The following ATG13 variants were observed in gnomAD, a reference collection of about 807,000 sequenced individuals.
ATG13 encodes autophagy-related protein 13.
A neutral mutation model predicts 65.5 loss-of-function variants in ATG13; 23 were observed. That is an observed-to-expected ratio of 0.35 (90% CI 0.25 to 0.50). ATG13 has a LOEUF of 0.50. Among genes scored for constraint, ATG13 ranks in the 20% least tolerant of loss-of-function variants. The probability of loss-of-function intolerance (pLI) is 0.98; values close to 1 mark genes in which losing one functional copy is unlikely to be tolerated. For missense variants in ATG13, 566 were observed against 677.0 expected (o/e 0.84, Z 1.82); for synonymous variants, 252 against 245.2 (o/e 1.03, Z -0.26).
chr11:46,661,552 G>C (rs1170414990), intron 11 of ATG13, among the ~76,000 whole-genome samples: 2 of 151,484 alleles, frequency 1.3e-5, no homozygotes, highest in East Asian at 3.9e-4. Context: ...GTTCTGCAAG[G>C]CTCAGTAGCT....
chr11:46,672,908 G>A lies in ATG13; in HGVS notation c.*576G>A. The A allele has an allele frequency of 1.1e-6, 1 of 923,124 alleles. No individual in the cohort carries two copies. Among genetic ancestry groups the A allele is most frequent in the Non-Finnish European group, 1.4e-6 (1 of 700,882 alleles). 57.2% of individuals were successfully genotyped at this position (923,124 alleles called of 1,614,324 possible). ...TGCCTGTATTTCTGGCAATATGACA[G>A]GCCTGCCTACCCAAGATCAGAACTC... On this transcript the variant is annotated 3_prime_UTR_variant, in exon 19 of 19. Transcript: ENST00000683050.
intron 10 of ATG13, 146 bp downstream of exon 10, chr11:46,657,768 T>C (rs1399767094): frequency 4.6e-6 from 3 of 658,952 alleles, no homozygotes; most frequent in Non-Finnish European, 7.5e-6. Context: ...AGAAATCAAA[T>C]GGGCCAGTTT....
chr11:46,640,123 G>A (rs747310159), intron 2 of ATG13, among the ~76,000 whole-genome samples: 37 of 152,140 alleles, frequency 2.4e-4, no homozygotes, highest in Non-Finnish European at 4.6e-4. Flanking sequence ...GGGATTACAG[G>A]CATGAGCCAC....
chr11:46,655,880 G>T (rs767908416), intron 7 of ATG13, among the ~76,000 whole-genome samples: 10 of 152,108 alleles, frequency 6.6e-5, no homozygotes, highest in Non-Finnish European at 1.3e-4. Context: ...TGGTACTCCA[G>T]GCATGCACCA....
intron 1 of ATG13, 43 bp downstream of exon 1, chr11:46,617,933 C>G: frequency 2.5e-6 from 1 of 399,156 alleles, no homozygotes; most frequent in Non-Finnish European, 4.4e-6. Context: ...TCTCAGCGCC[C>G]CCGGGTGGGA....
chr11:46,635,705 T>C (rs964747509), intron 2 of ATG13, among the ~76,000 whole-genome samples: 6 of 152,216 alleles, frequency 3.9e-5, no homozygotes, highest in African/African-American at 1.4e-4. Context: ...CTTGGTTAAC[T>C]GGACCTAAGG....
At chr11:46,658,699 T>A (rs1330557967) in intron 10 of ATG13, among the ~76,000 whole-genome samples, 1 of 151,762 alleles carries the variant, frequency 6.6e-6, no homozygotes, top group East Asian at 1.9e-4. Context: ...CCACGCCCGG[T>A]TAATTTTTGT....
intron 1 of ATG13, among the ~76,000 whole-genome samples, chr11:46,619,815 G>T (rs1206318919): frequency 2.6e-5 from 4 of 151,748 alleles, no homozygotes; most frequent in African/African-American, 7.3e-5. Flanking sequence ...GAATCATGAG[G>T]TCAGGAGTTC....
At chr11:46,632,623 AG>A (rs2052194062) in intron 2 of ATG13, among the ~76,000 whole-genome samples, 2 of 152,174 alleles carry the variant, frequency 1.3e-5, no homozygotes, top group African/African-American at 4.8e-5. Flanking sequence ...AGCAGTAAGT[AG>A]TCTACAAAGT....
At chr11:46,647,280 GTTTTT>G (rs60893694) in intron 5 of ATG13, among the ~76,000 whole-genome samples, 1 of 55,912 alleles carries the variant, frequency 1.8e-5, no homozygotes, top group Non-Finnish European at 4.6e-5. Flanking sequence ...TGTTTTTTTT[GTTTTT>G]TTTTTTTGTT....
intron 1 of ATG13, among the ~76,000 whole-genome samples, chr11:46,620,181 C>G (rs1167835673): frequency 2.0e-5 from 3 of 151,408 alleles, no homozygotes; most frequent in African/African-American, 4.8e-5. Flanking sequence ...ACAACCTCCC[C>G]CTCCTGAGTT....
At chr11:46,672,186 G>C in intron 18 of ATG13, 69 bp from the exon 19 acceptor site, 1 of 1,609,084 alleles carries the variant, frequency 6.2e-7, no homozygotes. Context: ...TCCCCTCTTC[G>C]GGACTGGGCT....
rs987011442 is a variant in ATG13, at chr11:46,672,507, C to T, written c.*175C>T. The T allele has an allele frequency of 2.3e-4, 333 of 1,475,736 alleles. No individual in the cohort carries two copies. Among genetic ancestry groups the T allele is most frequent in the Middle Eastern group, 9.5e-4 (4 of 4,208 alleles). 91.4% of individuals were successfully genotyped at this position (1,475,736 alleles called of 1,614,324 possible). A position where few individuals can be genotyped will look rare whatever the true frequency, so the allele number is the denominator to read the frequency against. ...CTTGGACCTCCTGGAGACTCCGTGGCGGCAGTCAAGCCCAGTGCCCAGTTG... is the reference window on the plus strand; with the variant it reads ...CTTGGACCTCCTGGAGACTCCGTGGTGGCAGTCAAGCCCAGTGCCCAGTTG... On this transcript the variant is annotated 3_prime_UTR_variant, in exon 19 of 19. Transcript: ENST00000683050.
At position 46,656,436 on chromosome 11, in the gene ATG13, A is replaced by T. The variant is rs187970248; in HGVS notation, c.499+163A>T. On this transcript the variant is annotated intron_variant, in intron 8 of 18. Coordinates refer to ENST00000683050, the MANE Select transcript of ATG13 (RefSeq NM_001346311.2). ...AGGTAGGTGGTCCAGGTTACCCCTGATCTGCCAGGGTAACCAAATAATTTT... is the reference window on the plus strand; with the variant it reads ...AGGTAGGTGGTCCAGGTTACCCCTGTTCTGCCAGGGTAACCAAATAATTTT... The T allele has an allele frequency of 1.7e-3, 1,037 of 597,170 alleles. 6 individuals are homozygous for T. Among genetic ancestry groups the T allele is most frequent in the Non-Finnish European group, 2.2e-3 (812 of 365,990 alleles). The allele number at this position is 597,170 out of a possible 1,614,324, so 37.0% of individuals were successfully genotyped here.
Position 46,626,491 on chromosome 11 carries a change from C to G in ATG13, c.-69-3554C>G, listed in dbSNP as rs2049695278. Among the ~76,000 whole-genome samples, 4 of 152,134 alleles carry G rather than the reference C, an allele frequency of 2.6e-5. 1 individual carries two copies. Among genetic ancestry groups the G allele is most frequent in the African/African-American group, 9.7e-5 (4 of 41,448 alleles). ...TCTCGAACTCCTGACCTCAGGTGAT[C>G]CGTCCGCCTCCGCCTCCCAGAGTGC... On this transcript the variant is annotated intron_variant, in intron 1 of 18. Coordinates refer to ENST00000683050, the MANE Select transcript of ATG13 (RefSeq NM_001346311.2).
At position 46,646,117 on chromosome 11, in the gene ATG13, T is replaced by C; in HGVS notation, c.270+128T>C. Reference sequence around the variant, plus strand: ...ATATTCTTATCATTCTCTGAGGGGGTCATAGTTTTTTTTGTTCTTTTTTGT... The same window carrying C: ...ATATTCTTATCATTCTCTGAGGGGGCCATAGTTTTTTTTGTTCTTTTTTGT... On this transcript the variant is annotated intron_variant, in intron 5 of 18. Coordinates refer to ENST00000683050, the MANE Select transcript of ATG13 (RefSeq NM_001346311.2). The C allele has an allele frequency of 2.3e-6, 3 of 1,279,766 alleles. No homozygotes were observed. In the Admixed American group the frequency reaches 8.7e-5, roughly 37 times the overall value. 79.3% of individuals were successfully genotyped at this position (1,279,766 alleles called of 1,614,324 possible).
Position 46,639,911 on chromosome 11 carries a change from T to G in ATG13, c.-13-4368T>G, listed in dbSNP as rs191343465. Among the ~76,000 whole-genome samples the G allele has an allele frequency of 3.3e-3, 497 of 150,470 alleles. 1 individual carries two copies. Among genetic ancestry groups the G allele is most frequent in the Non-Finnish European group, 5.0e-3 (341 of 67,716 alleles). ...CTCTGTCCCCCATGTTGGAGTGTAGTGGCACGATCTCAGCTCACTGCAGTC... is the reference window on the plus strand; with the variant it reads ...CTCTGTCCCCCATGTTGGAGTGTAGGGGCACGATCTCAGCTCACTGCAGTC... On this transcript the variant is annotated intron_variant, in intron 2 of 18. Transcript: ENST00000683050.
At position 46,644,354 on chromosome 11, in the gene ATG13, C is replaced by T; in HGVS notation, c.63C>T (p.Ala21=). Residue 21 remains alanine, a synonymous_variant, in exon 3 of 19, where the codon GCC becomes GCT. Transcript: ENST00000683050. ...TGGACAAGTTTATTAAATTTTTTGCCCTCAAGGTAATGTGTCCATTCTCTT... is the reference window on the plus strand; with the variant it reads ...TGGACAAGTTTATTAAATTTTTTGCTCTCAAGGTAATGTGTCCATTCTCTT... ...KDLDKFIKFF[A]LKTVQVIVQA... 6.2e-7 allele frequency: 1 copy of T among 1,608,264 alleles called. No individual in the cohort carries two copies. The highest frequency in any genetic ancestry group is 8.5e-7 in the Non-Finnish European group (1 of 1,177,878).
At chr11:46,670,492 A>T (rs1291403329) in intron 18 of ATG13, among the ~76,000 whole-genome samples, 6 of 148,616 alleles carry the variant, frequency 4.0e-5, no homozygotes, top group African/African-American at 1.5e-4. Flanking sequence ...AAAAAAAAAA[A>T]AAAAAGTAAT....
Sources: gnomAD v4.1 joint callset for allele counts (sites outside exome capture counted in the v4.1 genomes callset) on GRCh38, gnomAD v4.1.1 for gene constraint, MANE v1.5 for transcripts, NCBI Gene and HGNC (gene_info 2026-07-23, HGNC 2026-07-21) for gene names.